Variants in APPL2 observed in about 807,000 individuals in gnomAD.
APPL2 encodes the protein adaptor protein, phosphotyrosine interacting with PH domain and leucine zipper 2.
A neutral mutation model predicts 92.7 loss-of-function variants in APPL2; 84 were observed. The observed-to-expected ratio is 0.91, with a 90% CI of 0.76 to 1.09. The LOEUF (loss-of-function observed/expected upper bound fraction) is 1.09. Among genes scored for constraint, APPL2 ranks in the 50% least tolerant of loss-of-function variants. APPL2 has a pLI of 0.00. For synonymous variants in APPL2, 291 were observed against 291.0 expected (o/e 1.00, Z 0.00); for missense variants, 736 against 824.5 (o/e 0.89, Z 1.31).
At chr12:105,231,570 C>T (rs1009327685) in intron 1 of APPL2, among the ~76,000 whole-genome samples, 1 of 152,158 alleles carries the variant, frequency 6.6e-6, no homozygotes, top group African/African-American at 2.4e-5. Context: ...GTAAATGGGT[C>T]GGCAGCACTG....
At chr12:105,198,085 C>G (rs1887824539) in intron 10 of APPL2, 132 bp from the exon 11 acceptor site, 1 of 858,908 alleles carries the variant, frequency 1.2e-6, no homozygotes, top group African/African-American at 1.7e-5. Context: ...TAAAGCAAAA[C>G]TGCCCATTCA....
At chr12:105,200,274 G>C (rs989168471) in intron 9 of APPL2, among the ~76,000 whole-genome samples, 3 of 152,250 alleles carry the variant, frequency 2.0e-5, no homozygotes, top group Admixed American at 6.5e-5. Context: ...ATAAAGGAAG[G>C]AATGAAATGG....
chr12:105,184,296 C>T (rs1255475506), intron 17 of APPL2, among the ~76,000 whole-genome samples: 2 of 152,172 alleles, frequency 1.3e-5, no homozygotes, highest in African/African-American at 4.8e-5. Flanking sequence ...CAATTTTGTT[C>T]CCTTGCTGGC....
In APPL2 at chr12:105,176,978, TTGA is replaced by T. The variant is rs750468282; in HGVS notation, c.1707_1709del (p.His569del). On this transcript the variant is annotated inframe_deletion, in exon 19 of 21. Coordinates refer to ENST00000258530, the MANE Select transcript of APPL2 (RefSeq NM_018171.5). Reference sequence around the variant, plus strand: ...CAAAACCAACCAGTCTCTTGTTTTCTTGATGAGCAGCAAATTGTGTGACACTGG... The same window carrying T: ...CAAAACCAACCAGTCTCTTGTTTTCTTGAGCAGCAAATTGTGTGACACTGG... 37 of 1,614,024 alleles carry T rather than the reference TTGA, an allele frequency of 2.3e-5. No homozygotes were observed. In the African/African-American group the frequency reaches 4.5e-4, roughly 20 times the overall value.
intron 19 of APPL2, 116 bp downstream of exon 19, chr12:105,176,760 G>A: frequency 7.4e-7 from 1 of 1,349,158 alleles, no homozygotes; most frequent in Non-Finnish European, 1.0e-6. Flanking sequence ...CTGAACTCCT[G>A]GATGGAGACA....
At chr12:105,195,171 G>C in intron 14 of APPL2, 90 bp downstream of exon 14, 2 of 1,303,828 alleles carry the variant, frequency 1.5e-6, no homozygotes, top group Non-Finnish European at 1.1e-6. Context: ...AACATGCCTT[G>C]GTTTGTGTGG....
At chr12:105,219,526 G>A (rs970577706) in intron 2 of APPL2, among the ~76,000 whole-genome samples, 1 of 152,166 alleles carries the variant, frequency 6.6e-6, no homozygotes, top group Non-Finnish European at 1.5e-5. Context: ...ACAATTCTTA[G>A]CACACAGCAA....
chr12:105,235,882 G>A lies in APPL2; in HGVS notation c.54+77C>T, dbSNP rs536164540. Reference sequence around the variant, plus strand: ...CCCGCGGCTGCCCGGCCGGGGGCGCGGCCTCCACTCCGGGGCTGGAGGGGC... The same window carrying A: ...CCCGCGGCTGCCCGGCCGGGGGCGCAGCCTCCACTCCGGGGCTGGAGGGGC... On this transcript the variant is annotated intron_variant, in intron 1 of 20. Transcript: ENST00000258530. 645 of 1,157,908 alleles carry A rather than the reference G, an allele frequency of 5.6e-4. 5 individuals are homozygous for A. The African/African-American group carries it at 9.4e-3, about 17-fold the overall frequency. 71.7% of individuals were successfully genotyped at this position (1,157,908 alleles called of 1,614,324 possible). A position where few individuals can be genotyped will look rare whatever the true frequency, so the allele number is the denominator to read the frequency against.
At chr12:105,205,989 ACTT>A (rs1429538385) in intron 8 of APPL2, among the ~76,000 whole-genome samples, 1 of 152,232 alleles carries the variant, frequency 6.6e-6, no homozygotes, top group Non-Finnish European at 1.5e-5. Context: ...GCACAGGCTG[ACTT>A]CAGTGAACTC....
At position 105,207,175 on chromosome 12, in the gene APPL2, C is replaced by A. The variant is rs544032120; in HGVS notation, c.507G>T (p.Ala169=). ...VKTEVGKEVA[A]ARRKQHLSSL... ...AGGAGAGGTGCTGCTTCCGCCGGGC[C>A]GCGGCCACCTCTTTTCCGACTTCGG... Residue 169 remains alanine (A), a synonymous_variant, in exon 8 of 21, where the codon GCG becomes GCT. Transcript: ENST00000258530. 1 of 1,613,882 alleles carries A rather than the reference C, an allele frequency of 6.2e-7. No homozygotes were observed. The highest frequency in any genetic ancestry group is 8.5e-7 in the Non-Finnish European group (1 of 1,179,986).
rs1246779971 is a variant in APPL2, at chr12:105,206,873, A to G, written c.621+188T>C. 4.6e-6 allele frequency: 3 copies of G among 658,220 alleles called. No individual in the cohort carries two copies. In the Admixed American group the frequency reaches 1.0e-4, roughly 22 times the overall value. The allele number at this position is 658,220 out of a possible 1,614,324, so 40.8% of individuals were successfully genotyped here. ...GAACATATGGCCTAACTTGAGGCCA[A>G]TGCATGTCCAGCTGAAGATGACCCA... On this transcript the variant is annotated intron_variant, in intron 8 of 20. Transcript: ENST00000258530.
In APPL2 at chr12:105,211,300, T is replaced by A. The variant is rs1368318686; in HGVS notation, c.303A>T (p.Thr101=). The change falls in exon 5 of 21, where the codon ACA becomes ACT. Residue 101 remains threonine, a synonymous_variant. Coordinates refer to ENST00000258530, the MANE Select transcript of APPL2 (RefSeq NM_018171.5). ...KVVDELNLLH[T]ELAKQLADTM... is the part of the protein sequence containing the mutation. ...TGTCTGCCAACTGTTTAGCCAGCTC[T>A]GTATGGAGAAGATTAAGCTGAAAGA... 4 of 1,612,654 alleles carry A rather than the reference T, an allele frequency of 2.5e-6. No individual in the cohort carries two copies. The highest frequency in any genetic ancestry group is 3.4e-6 in the Non-Finnish European group (4 of 1,178,764).
chr12:105,194,782 T>TAAAA (rs36104130), intron 14 of APPL2, among the ~76,000 whole-genome samples: 3 of 144,586 alleles, frequency 2.1e-5, no homozygotes, highest in African/African-American at 7.5e-5. Flanking sequence ...TAGAAATAGT[T>TAAAA]AAAAAAAAAA....
At chr12:105,230,765 G>A (rs1025394096) in intron 1 of APPL2, among the ~76,000 whole-genome samples, 11 of 152,114 alleles carry the variant, frequency 7.2e-5, no homozygotes, top group Non-Finnish European at 1.3e-4. Flanking sequence ...TGCTTATCCC[G>A]CTTTGCCCAG....
chr12:105,233,088 T>C, intron 1 of APPL2: 1 of 985,414 alleles, frequency 1.0e-6, no homozygotes, highest in Non-Finnish European at 1.2e-6. Flanking sequence ...GTGTACTACT[T>C]ACAGGACAAG....
At chr12:105,183,710 T>A (rs1453526943) in intron 17 of APPL2, among the ~76,000 whole-genome samples, 10 of 152,220 alleles carry the variant, frequency 6.6e-5, no homozygotes, top group African/African-American at 2.2e-4. Flanking sequence ...CATTTCAACC[T>A]TGGTGAATCT....
At chr12:105,186,638 T>G (rs1181811686) in intron 17 of APPL2, among the ~76,000 whole-genome samples, 59 of 128,916 alleles carry the variant, frequency 4.6e-4, no homozygotes, top group African/African-American at 1.3e-3. Flanking sequence ...ATATATATCA[T>G]ATATATGATA....
chr12:105,207,887 C>G (rs1888872117), intron 7 of APPL2, 84 bp downstream of exon 7: 2 of 1,304,448 alleles, frequency 1.5e-6, no homozygotes, highest in East Asian at 2.3e-5. Context: ...ACCACGCACC[C>G]TTTCATGCCA....
intron 14 of APPL2, among the ~76,000 whole-genome samples, chr12:105,192,041 T>C (rs761076840): frequency 6.0e-5 from 9 of 150,952 alleles, no homozygotes; most frequent in Non-Finnish European, 8.8e-5. Flanking sequence ...GACAACTCAT[T>C]TGGGATGTTT....
Sources: gnomAD v4.1 joint callset for allele counts (sites outside exome capture counted in the v4.1 genomes callset) on GRCh38, gnomAD v4.1.1 for gene constraint, MANE v1.5 for transcripts, NCBI Gene and HGNC (gene_info 2026-07-23, HGNC 2026-07-21) for gene names.